Variants in AUTS2 observed in about 807,000 individuals in gnomAD.
AUTS2 encodes the protein autism susceptibility gene 2 protein.
In AUTS2, 17 loss-of-function variants were observed where a neutral mutation model predicts 112.4. The ratio of observed to expected loss-of-function variants is 0.15; its 90% CI spans 0.10 to 0.23. The LOEUF is 0.23. Ranked by LOEUF, AUTS2 falls within the 10% of genes least tolerant of loss-of-function variation. AUTS2 has a pLI of 1.00. For missense variants in AUTS2, 1,510 were observed against 1,701.6 expected (o/e 0.89, Z 1.98); for synonymous variants, 751 against 702.7 (o/e 1.07, Z -1.09).
intron 18 of AUTS2, 34 bp downstream of exon 18, chr7:70,787,465 G>A: frequency 6.7e-7 from 1 of 1,489,506 alleles, no homozygotes; most frequent in Non-Finnish European, 9.2e-7. Context: ...GTCCCCACGG[G>A]GGAGCCTGCT....
At chr7:69,917,148 G>C (rs1270836640) in intron 2 of AUTS2, among the ~76,000 whole-genome samples, 2 of 152,002 alleles carry the variant, frequency 1.3e-5, no homozygotes, top group Non-Finnish European at 2.9e-5. Flanking sequence ...CAAGTAGCTG[G>C]GACTAAAGGC....
rs1299878057 is a variant in AUTS2 at position 70,543,534 on chromosome 7, A to G, written c.690+107753A>G. 4.6e-5 allele frequency among the ~76,000 whole-genome samples: 7 copies of G among 150,872 alleles called. No homozygotes were observed. The East Asian group carries it at 7.8e-4, about 17-fold the overall frequency. ...ACAGAGTGAGACTCCATCTTGGGAAAAAAAAAAAAAAAAGGTTAAAAATGC... is the reference window on the plus strand; with the variant it reads ...ACAGAGTGAGACTCCATCTTGGGAAGAAAAAAAAAAAAAGGTTAAAAATGC... On this transcript the variant is annotated intron_variant, in intron 5 of 18. Coordinates refer to ENST00000342771, the MANE Select transcript of AUTS2 (RefSeq NM_015570.4).
chr7:70,256,854 A>C (rs549607080), intron 4 of AUTS2, among the ~76,000 whole-genome samples: 1 of 152,206 alleles, frequency 6.6e-6, no homozygotes, highest in Non-Finnish European at 1.5e-5. Flanking sequence ...ATCCCACCTC[A>C]GCTCTCAGTC....
At chr7:70,282,296 C>T (rs1788255662) in intron 4 of AUTS2, among the ~76,000 whole-genome samples, 1 of 152,178 alleles carries the variant, frequency 6.6e-6, no homozygotes, top group African/African-American at 2.4e-5. Context: ...ACAGCAGTAC[C>T]CTCCCTTCTT....
intron 2 of AUTS2, among the ~76,000 whole-genome samples, chr7:70,004,912 C>T (rs1273698524): frequency 2.0e-5 from 3 of 151,890 alleles, no homozygotes; most frequent in Non-Finnish European, 4.4e-5. Context: ...GCAACTTCTG[C>T]CTCCCGGGTT....
chr7:70,094,388 C>G (rs1014595653), intron 2 of AUTS2, among the ~76,000 whole-genome samples: 2 of 152,230 alleles, frequency 1.3e-5, no homozygotes, highest in Non-Finnish European at 2.9e-5. Context: ...TACAGGCTGA[C>G]AGCCACAGTT....
rs181799750 is a variant in AUTS2 at position 70,631,352 on chromosome 7, C to T, written c.691-67217C>T. Among the ~76,000 whole-genome samples, 140 of 152,240 alleles carry T rather than the reference C, an allele frequency of 9.2e-4. No homozygotes were observed. Among genetic ancestry groups the T allele is most frequent in the Non-Finnish European group, 1.7e-3 (119 of 68,020 alleles). ...CAGGGCAGGGGCTGGCGACTGGCGG[C>T]GGGGAAGCATGTGCACATGCGTGTC... is the stretch of plus-strand genomic sequence containing the variant. On this transcript the variant is annotated intron_variant, in intron 5 of 18. Transcript: ENST00000342771. This position sits in a 1 kb window ranked among gnomAD's most constrained non-coding sequence, Gnocchi z 4.5.
chr7:69,909,162 C>A (rs1170061612), intron 2 of AUTS2, among the ~76,000 whole-genome samples: 1 of 152,194 alleles, frequency 6.6e-6, no homozygotes, highest in African/African-American at 2.4e-5. Context: ...ATAATTGGAT[C>A]ATATTTTTGT....
At chr7:69,786,437 A>T (rs759225527) in intron 1 of AUTS2, among the ~76,000 whole-genome samples, 1 of 152,238 alleles carries the variant, frequency 6.6e-6, no homozygotes, top group African/African-American at 2.4e-5. Context: ...TGTAAAATGG[A>T]CCAATCAGTA....
chr7:70,178,817 A>T (rs1413110279), intron 4 of AUTS2, among the ~76,000 whole-genome samples: 1 of 152,130 alleles, frequency 6.6e-6, no homozygotes, highest in Non-Finnish European at 1.5e-5. Flanking sequence ...TGTAGGTCTT[A>T]TGGAGTCACA....
chr7:69,998,418 C>T (rs538008838), intron 2 of AUTS2, among the ~76,000 whole-genome samples: 1 of 152,156 alleles, frequency 6.6e-6, no homozygotes, highest in South Asian at 2.1e-4. Flanking sequence ...TCCAAGTGGC[C>T]CACCTGTGTG....
At chr7:70,765,822 C>G (rs1163976415) in intron 8 of AUTS2, among the ~76,000 whole-genome samples, 3 of 152,188 alleles carry the variant, frequency 2.0e-5, no homozygotes, top group Non-Finnish European at 4.4e-5. Flanking sequence ...GTCACTCAGC[C>G]AGTGGTGACA....
chr7:69,659,583 G>GTTTTTTTTT (rs58289887), intron 1 of AUTS2, among the ~76,000 whole-genome samples: 11 of 81,266 alleles, frequency 1.4e-4, no homozygotes, highest in Admixed American at 5.4e-4. Context: ...AGGCTTAGTT[G>GTTTTTTTTT]TTTTTTTTTT....
intron 1 of AUTS2, among the ~76,000 whole-genome samples, chr7:69,772,381 T>C (rs1187483094): frequency 6.6e-6 from 1 of 152,254 alleles, no homozygotes; most frequent in Non-Finnish European, 1.5e-5. Flanking sequence ...AAGTATGTTA[T>C]AAACAACTGT....
Position 69,999,268 on chromosome 7 carries a change from A to G in AUTS2, c.522+99770A>G, listed in dbSNP as rs538358165. Among the ~76,000 whole-genome samples, 12 of 152,212 alleles carry G rather than the reference A, an allele frequency of 7.9e-5. No individual in the cohort carries two copies. The South Asian group carries it at 2.5e-3, about 32-fold the overall frequency. On this transcript the variant is annotated intron_variant, in intron 2 of 18. Coordinates refer to ENST00000342771, the MANE Select transcript of AUTS2 (RefSeq NM_015570.4). ...CACACTGATTGCTAGGTGTAGAAAA[A>G]TGTATGTTGCCTGAATCTGAAGGCA...
intron 6 of AUTS2, among the ~76,000 whole-genome samples, chr7:70,746,866 TA>T (rs1480508943): frequency 1.3e-5 from 2 of 152,210 alleles, no homozygotes; most frequent in Non-Finnish European, 2.9e-5. Context: ...ATTTACATTT[TA>T]AGAGCTCACT....
At chr7:69,744,333 C>T (rs1787395298) in intron 1 of AUTS2, among the ~76,000 whole-genome samples, 1 of 152,068 alleles carries the variant, frequency 6.6e-6, no homozygotes, top group Non-Finnish European at 1.5e-5. Context: ...AGGAGTAGAA[C>T]TTCTGCATCT....
At chr7:69,698,707 A>T (rs1797670257) in intron 1 of AUTS2, among the ~76,000 whole-genome samples, 2 of 152,216 alleles carry the variant, frequency 1.3e-5, no homozygotes. Flanking sequence ...TTGGGTCAGC[A>T]TCTGCCAACA....
chr7:70,761,744 C>T (rs745488537), intron 6 of AUTS2, among the ~76,000 whole-genome samples: 7 of 152,140 alleles, frequency 4.6e-5, no homozygotes, highest in Non-Finnish European at 1.0e-4. Context: ...GGAGGGAGTA[C>T]ATCTTTTACA....
Sources: gnomAD v4.1 joint callset for allele counts (sites outside exome capture counted in the v4.1 genomes callset) on GRCh38, gnomAD v4.1.1 for gene constraint, Gnocchi (gnomAD v3.1) non-coding constraint, MANE v1.5 for transcripts, NCBI Gene and HGNC (gene_info 2026-07-23, HGNC 2026-07-21) for gene names.